Variants in MSI2 observed in about 807,000 individuals in gnomAD.
MSI2 encodes musashi RNA binding protein 2.
A neutral mutation model predicts 45.6 loss-of-function variants in MSI2; 17 were observed. The ratio of observed to expected loss-of-function variants is 0.37; its 90% CI spans 0.26 to 0.56. The LOEUF is 0.56. Ranked by LOEUF, MSI2 falls within the 20% of genes least tolerant of loss-of-function variation. The pLI, the probability that MSI2 is intolerant of heterozygous loss-of-function variation, is 0.77. For missense variants in MSI2, 293 were observed against 444.2 expected, an observed-to-expected ratio of 0.66 and a Z score of 3.06; for synonymous variants, 156 against 158.2, an observed-to-expected ratio of 0.99 and a Z score of 0.11.
intron 5 of MSI2, among the ~76,000 whole-genome samples, chr17:57,397,096 G>A (rs1330348208): frequency 6.6e-6 from 1 of 152,110 alleles, no homozygotes; most frequent in Non-Finnish European, 1.5e-5. Flanking sequence ...GAGCTGAGTG[G>A]GGCCATCTGA....
At chr17:57,468,838 T>C (rs1006054660) in intron 6 of MSI2, among the ~76,000 whole-genome samples, 5 of 152,094 alleles carry the variant, frequency 3.3e-5, no homozygotes, top group African/African-American at 1.2e-4. Flanking sequence ...GGGGAGATGC[T>C]GTAGGGGGCC....
intron 2 of MSI2, 31 bp from the exon 3 acceptor site, chr17:57,257,435 C>A (rs752363405): frequency 1.8e-5 from 21 of 1,157,200 alleles, no homozygotes; most frequent in Non-Finnish European, 2.7e-5. Context: ...CCTTCTCTCC[C>A]CCCCCCATCT....
intron 10 of MSI2, chr17:57,631,964 G>A: frequency 6.9e-7 from 1 of 1,448,244 alleles, no homozygotes; most frequent in South Asian, 1.5e-5. Context: ...TTGAATGACT[G>A]TTCTTTTTCT....
Position 57,262,198 on chromosome 17 carries a change from T to C in MSI2, c.312+6T>C, listed in dbSNP as rs2143188126. On this transcript the variant is annotated splice_donor_region_variant and intron_variant, in intron 5 of 13. Transcript: ENST00000284073. ...CTCGTCGAGCGCAACCCAAGGTAAG[T>C]AGGAGAATAAACAGTAGGATTTTAG... The C allele has an allele frequency of 3.1e-6, 5 of 1,613,948 alleles. No homozygotes were observed. Among genetic ancestry groups the C allele is most frequent in the Non-Finnish European group, 4.2e-6 (5 of 1,179,900 alleles).
At chr17:57,698,824 GTT>G in the MSI2 span, among the ~76,000 whole-genome samples, 3,318 of 151,764 alleles carry the variant, frequency 0.022, 57 homozygotes, top group Non-Finnish European at 0.029. Context: ...CAGCAGCATA[GTT>G]CCTCTCCTCA....
At chr17:57,557,634 C>G (rs748955093) in intron 7 of MSI2, among the ~76,000 whole-genome samples, 1 of 152,186 alleles carries the variant, frequency 6.6e-6, no homozygotes, top group Non-Finnish European at 1.5e-5. Context: ...CTGGGGTGTT[C>G]CCCCTTGTGC....
chr17:57,590,234 C>T (rs1007362850), intron 7 of MSI2, among the ~76,000 whole-genome samples: 2 of 151,912 alleles, frequency 1.3e-5, no homozygotes, highest in Admixed American at 6.5e-5. Context: ...CATTAGTGTT[C>T]ATTGACCTAT....
chr17:57,468,520 CAAAAA>C (rs56105862), intron 6 of MSI2, among the ~76,000 whole-genome samples: 1 of 104,386 alleles, frequency 9.6e-6, no homozygotes, highest in Non-Finnish European at 1.9e-5. Context: ...GACTCTATCT[CAAAAA>C]AAAAAAAAAA....
intron 6 of MSI2, among the ~76,000 whole-genome samples, chr17:57,501,532 A>C (rs2086107021): frequency 6.6e-6 from 1 of 152,132 alleles, no homozygotes; most frequent in Non-Finnish European, 1.5e-5. Context: ...GGCTGCCCCC[A>C]CCCCATCCCT....
At chr17:57,361,607 A>C (rs975584102) in intron 5 of MSI2, among the ~76,000 whole-genome samples, 3 of 125,198 alleles carry the variant, frequency 2.4e-5, no homozygotes, top group Non-Finnish European at 4.8e-5. Context: ...ACCTTGTCTC[A>C]AAAAAAAAAA....
rs1325028852 is a variant in MSI2, at chr17:57,627,085, TA to T, written c.653-142del. ...ACAGGAGAGAGGTGACCCAGACCCT[TA>T]ATAAAAAAACCCTCATGAGAGACAA... On this transcript the variant is annotated intron_variant, in intron 9 of 13. Coordinates refer to ENST00000284073, the MANE Select transcript of MSI2 (RefSeq NM_138962.4). The surrounding 1 kb of genome is among the most constrained non-coding windows in gnomAD (Gnocchi z 4.6). 1.3e-6 allele frequency: 1 copy of T among 753,018 alleles called. No homozygotes were observed. Among genetic ancestry groups the T allele is most frequent in the Non-Finnish European group, 2.3e-6 (1 of 438,122 alleles). The allele number at this position is 753,018 out of a possible 1,614,324, so 46.6% of individuals were successfully genotyped here. A position where few individuals can be genotyped will look rare whatever the true frequency, so the allele number is the denominator to read the frequency against.
chr17:57,687,630 G>A (rs1206846034), downstream of MSI2, among the ~76,000 whole-genome samples: 4 of 151,936 alleles, frequency 2.6e-5, no homozygotes, highest in African/African-American at 7.3e-5. Context: ...AAAATAGACT[G>A]GATCCAAATG....
rs565437391 is a variant in MSI2 at position 57,530,339 on chromosome 17, T to C, written c.454+615T>C. 1.8e-3 allele frequency among the ~76,000 whole-genome samples: 272 copies of C among 152,356 alleles called. 1 individual carries two copies. The highest frequency in any genetic ancestry group is 2.4e-3 in the Admixed American group (37 of 15,310). ...GCAATGACATGCAAAATGTCATATG[T>C]TTATACTTTTCTTGGGTGAAGATCC... On this transcript the variant is annotated intron_variant, in intron 7 of 13. Transcript: ENST00000284073.
rs992341683 is a variant in MSI2 at position 57,652,454 on chromosome 17, G to A, written c.790+293G>A. 6.6e-6 allele frequency among the ~76,000 whole-genome samples: 1 copy of A among 151,660 alleles called. No homozygotes were observed. The highest frequency in any genetic ancestry group is 2.4e-5 in the African/African-American group (1 of 41,238). ...GTTTCTTTTTGACTTTGACCATCCC[G>A]TCACCTGACAGCTAGCTTCGGGTAC... is the stretch of plus-strand genomic sequence containing the variant. On this transcript the variant is annotated intron_variant, in intron 11 of 13. Transcript: ENST00000284073. This position sits in a 1 kb window ranked among gnomAD's most constrained non-coding sequence, Gnocchi z 4.1.
intron 10 of MSI2, chr17:57,628,402 G>A (rs1909010586): frequency 6.6e-6 from 1 of 152,178 alleles, no homozygotes; most frequent in South Asian, 2.1e-4. Flanking sequence ...CCAAGCATTG[G>A]GGCGGGAAGG....
downstream of MSI2, among the ~76,000 whole-genome samples, chr17:57,686,936 G>T (rs1003328500): frequency 6.6e-6 from 1 of 151,614 alleles, no homozygotes; most frequent in East Asian, 1.9e-4. Flanking sequence ...ATGGCTCTTC[G>T]AATAGAGTTT....
At chr17:57,692,451 T>C in the MSI2 span, among the ~76,000 whole-genome samples, 1 of 152,198 alleles carries the variant, frequency 6.6e-6, no homozygotes, top group Non-Finnish European at 1.5e-5. Context: ...CAATCAATTA[T>C]GTTTTAGAGG....
intron 11 of MSI2, among the ~76,000 whole-genome samples, chr17:57,654,816 C>T (rs752166179): frequency 2.6e-5 from 4 of 152,118 alleles, no homozygotes; most frequent in Non-Finnish European, 4.4e-5. Flanking sequence ...AACGTGGCCT[C>T]TGCTCCCCAG....
intron 6 of MSI2, among the ~76,000 whole-genome samples, chr17:57,471,856 T>G (rs1349108815): frequency 6.6e-6 from 1 of 152,042 alleles, no homozygotes; most frequent in African/African-American, 2.4e-5. Flanking sequence ...TGGAAAGCCA[T>G]CAGCATCTGG....
Sources: gnomAD v4.1 joint callset for allele counts (sites outside exome capture counted in the v4.1 genomes callset) on GRCh38, gnomAD v4.1.1 for gene constraint, Gnocchi (gnomAD v3.1) non-coding constraint, MANE v1.5 for transcripts, NCBI Gene and HGNC (gene_info 2026-07-23, HGNC 2026-07-21) for gene names.